Variants in WWOX observed in about 807,000 individuals in gnomAD.
The protein encoded by WWOX is WW domain-containing oxidoreductase.
A neutral mutation model predicts 46.2 loss-of-function variants in WWOX; 69 were observed. The observed-to-expected ratio is 1.49, with a 90% CI of 1.23 to 1.82. The LOEUF is 1.82. Among genes scored for constraint, WWOX ranks in the 40% most tolerant of loss-of-function variants. WWOX has a pLI of 0.00. For missense variants in WWOX, 919 were observed against 542.6 expected (o/e 1.69, Z -6.89); for synonymous variants, 359 against 202.6 (o/e 1.77, Z -6.56).
At chr16:78,602,454 G>A (rs1470141486) in intron 8 of WWOX, among the ~76,000 whole-genome samples, 1 of 152,042 alleles carries the variant, frequency 6.6e-6, no homozygotes, top group Non-Finnish European at 1.5e-5. Flanking sequence ...GGCTGATCTC[G>A]AACTCCTGCC....
At chr16:79,012,244 TC>T (rs1386471393) in intron 8 of WWOX, among the ~76,000 whole-genome samples, 6 of 151,914 alleles carry the variant, frequency 3.9e-5, no homozygotes, top group South Asian at 4.2e-4. Flanking sequence ...TCTTAATTTT[TC>T]TTTTTGAGAT....
chr16:79,024,012 C>T (rs574279158), intron 8 of WWOX, among the ~76,000 whole-genome samples: 1 of 151,970 alleles, frequency 6.6e-6, no homozygotes, highest in Non-Finnish European at 1.5e-5. Context: ...AAAAGATGAC[C>T]TAACATGTGA....
chr16:78,546,638 C>T (rs1350012097), intron 8 of WWOX, among the ~76,000 whole-genome samples: 4 of 152,218 alleles, frequency 2.6e-5, no homozygotes, highest in Non-Finnish European at 5.9e-5. Context: ...CCTAGTCCCA[C>T]TCCCTAAAGA....
chr16:78,104,164 G>T (rs1329770426), intron 1 of WWOX, among the ~76,000 whole-genome samples: 1 of 151,628 alleles, frequency 6.6e-6, no homozygotes, highest in Non-Finnish European at 1.5e-5. Context: ...AATGGTGCCT[G>T]TGTCCACAGG....
chr16:78,743,386 G>A (rs2049276580), intron 8 of WWOX, among the ~76,000 whole-genome samples: 1 of 152,112 alleles, frequency 6.6e-6, no homozygotes, highest in African/African-American at 2.4e-5. Context: ...CCAGGGATCT[G>A]CTTCATGCTG....
At chr16:78,421,476 T>C (rs1191134375) in intron 6 of WWOX, among the ~76,000 whole-genome samples, 1 of 152,162 alleles carries the variant, frequency 6.6e-6, no homozygotes, top group Non-Finnish European at 1.5e-5. Context: ...TCCAAGATGA[T>C]CTCATTTTAA....
intron 8 of WWOX, among the ~76,000 whole-genome samples, chr16:78,616,433 A>C (rs529432486): frequency 6.6e-6 from 1 of 151,928 alleles, no homozygotes; most frequent in East Asian, 1.9e-4. Context: ...CTATTTTCTC[A>C]ACTAGCAGAG....
At chr16:78,405,311 C>T (rs9933797) in intron 6 of WWOX, among the ~76,000 whole-genome samples, 7,721 of 152,048 alleles carry the variant, frequency 0.051, 638 homozygotes, top group African/African-American at 0.18. Flanking sequence ...TTCTCTATTC[C>T]AACTGAAATA....
At chr16:78,728,355 G>C (rs923888884) in intron 8 of WWOX, among the ~76,000 whole-genome samples, 7 of 151,944 alleles carry the variant, frequency 4.6e-5, no homozygotes, top group African/African-American at 9.7e-5. Context: ...TGATAGGCAG[G>C]AGCCACCACA....
At chr16:79,151,534 A>T (rs2050279017) in intron 8 of WWOX, among the ~76,000 whole-genome samples, 1 of 152,232 alleles carries the variant, frequency 6.6e-6, no homozygotes, top group Non-Finnish European at 1.5e-5. Flanking sequence ...GTTGAAGACA[A>T]ACAGGGCTCC....
At chr16:78,400,495 G>A (rs1597168276) in intron 6 of WWOX, among the ~76,000 whole-genome samples, 1 of 152,180 alleles carries the variant, frequency 6.6e-6, no homozygotes, top group Admixed American at 6.5e-5. Context: ...TGGATCGATG[G>A]ATGGATGGAT....
chr16:78,783,523 G>A (rs1489759307), intron 8 of WWOX, among the ~76,000 whole-genome samples: 40 of 152,216 alleles, frequency 2.6e-4, no homozygotes, highest in Admixed American at 2.6e-3. Context: ...AATGAGAGCT[G>A]GGAGAGGCCA....
intron 5 of WWOX, among the ~76,000 whole-genome samples, chr16:78,291,792 G>A (rs140423937): frequency 2.1e-3 from 320 of 152,266 alleles, no homozygotes; most frequent in Non-Finnish European, 3.8e-3. Flanking sequence ...AGCAGGGAAA[G>A]TCACCAAAAG....
intron 8 of WWOX, among the ~76,000 whole-genome samples, chr16:78,858,144 T>TTGTGTG (rs59637371): frequency 0.21 from 30,547 of 148,454 alleles, 3,321 homozygotes; most frequent in South Asian, 0.28. Flanking sequence ...CATTGTGTGT[T>TTGTGTG]TGTGTGTGTG....
At position 78,637,302 on chromosome 16, in the gene WWOX, C is replaced by T. The variant is rs528006751; in HGVS notation, c.1056+204550C>T. On this transcript the variant is annotated intron_variant, in intron 8 of 8. Transcript: ENST00000566780. The stretch of plus-strand genomic sequence containing the variant: ...ACTAAAAATACAAAAATTAGCTGGG[C>T]ATGGTGGTGGGGACCTATAATCCCA... Among the ~76,000 whole-genome samples, 3 of 152,132 alleles carry T rather than the reference C, an allele frequency of 2.0e-5. No homozygotes were observed. In the South Asian group the frequency reaches 6.3e-4, roughly 32 times the overall value.
At chr16:79,187,466 T>A (rs1045415846) in intron 8 of WWOX, among the ~76,000 whole-genome samples, 1 of 152,178 alleles carries the variant, frequency 6.6e-6, no homozygotes, top group African/African-American at 2.4e-5. Flanking sequence ...AGCGGCGTGA[T>A]CTCTGCTGAC....
At chr16:78,624,151 T>C (rs978699587) in intron 8 of WWOX, among the ~76,000 whole-genome samples, 1 of 152,318 alleles carries the variant, frequency 6.6e-6, no homozygotes, top group African/African-American at 2.4e-5. Context: ...AAAGTGAAAT[T>C]GGAATTTTTG....
intron 8 of WWOX, among the ~76,000 whole-genome samples, chr16:78,784,236 A>G (rs74031428): frequency 0.18 from 28,031 of 152,032 alleles, 3,087 homozygotes; most frequent in East Asian, 0.4. Context: ...TCCTCCTTTT[A>G]TAGATGAGGA....
chr16:78,325,672 C>T (rs1433029788), intron 5 of WWOX, among the ~76,000 whole-genome samples: 1 of 152,198 alleles, frequency 6.6e-6, no homozygotes, highest in Non-Finnish European at 1.5e-5. Flanking sequence ...TTTATTTCTC[C>T]TTCTTGGAGA....
Sources: allele counts gnomAD v4.1 joint callset (sites outside exome capture counted in the v4.1 genomes callset), GRCh38; gene constraint gnomAD v4.1.1; transcripts MANE v1.5; gene names NCBI Gene and HGNC (gene_info 2026-07-23, HGNC 2026-07-21).